The following SCG5 variants were observed in gnomAD, a reference collection of about 807,000 sequenced individuals.
SCG5 encodes neuroendocrine protein 7B2.
A neutral mutation model predicts 25.7 loss-of-function variants in SCG5; 18 were observed. The observed-to-expected ratio is 0.70, with a 90% confidence interval of 0.48 to 1.04. The LOEUF (loss-of-function observed/expected upper bound fraction) is 1.04, where lower values mean the gene tolerates loss of function less well. SCG5 is among the 50% of genes least tolerant of loss of function. The pLI, the probability that SCG5 is intolerant of heterozygous loss-of-function variation, is 0.00. For missense variants in SCG5, 206 were observed against 259.8 expected (o/e 0.79, Z 1.42); for synonymous variants, 101 against 91.7 (o/e 1.10, Z -0.58).
rs143117247 is a variant in SCG5, at chr15:32,695,517, A to G, written c.544-997A>G. 8.7e-3 allele frequency among the ~76,000 whole-genome samples: 1,332 copies of G among 152,252 alleles called. 9 individuals are homozygous for G. The highest frequency in any genetic ancestry group is 0.014 in the Middle Eastern group (4 of 294). On this transcript the variant is annotated intron_variant, in intron 5 of 5. Coordinates refer to ENST00000300175, the MANE Select transcript of SCG5 (RefSeq NM_001144757.3). ...ATTTACTCATTAAGAATACCAACAC[A>G]TGAAAGTGATTTCAGAGTATGGAGT...
At chr15:32,687,407 C>T (rs148345094) in intron 4 of SCG5, among the ~76,000 whole-genome samples, 1 of 152,252 alleles carries the variant, frequency 6.6e-6, no homozygotes, top group South Asian at 2.1e-4. Flanking sequence ...GTTTAGATAC[C>T]TTTTATCATC....
intron 4 of SCG5, among the ~76,000 whole-genome samples, chr15:32,688,963 A>AAAAAAAG (rs537262778): frequency 0.62 from 86,356 of 140,160 alleles, 28,490 homozygotes; most frequent in Non-Finnish European, 0.71. Context: ...CGTCTCAAAA[A>AAAAAAAG]AAAAAAAAAA....
chr15:32,654,714 G>C (rs2054086527), intron 2 of SCG5, among the ~76,000 whole-genome samples: 1 of 152,180 alleles, frequency 6.6e-6, no homozygotes, highest in African/African-American at 2.4e-5. Flanking sequence ...ACTAGACTGA[G>C]ATTTGCAAAT....
At chr15:32,690,273 C>T (rs933619105) in intron 4 of SCG5, among the ~76,000 whole-genome samples, 1 of 152,236 alleles carries the variant, frequency 6.6e-6, no homozygotes, top group Non-Finnish European at 1.5e-5. Context: ...GGTTCTTCCA[C>T]ACTCCATCCA....
At position 32,667,922 on chromosome 15, in the gene SCG5, G is replaced by A. The variant is rs141856309; in HGVS notation, c.227-11844G>A. Reference sequence around the variant, plus strand: ...ACTCCTGACCTCAAGTGATCCACCCGCTTCGGCCTCCCAAACTTCTGGGAT... The same window carrying A: ...ACTCCTGACCTCAAGTGATCCACCCACTTCGGCCTCCCAAACTTCTGGGAT... On this transcript the variant is annotated intron_variant, in intron 2 of 5. Transcript: ENST00000300175. Among the ~76,000 whole-genome samples, 1,172 of 152,158 alleles carry A rather than the reference G, an allele frequency of 7.7e-3. 14 individuals carry two copies. The highest frequency in any genetic ancestry group is 0.027 in the African/African-American group (1,121 of 41,486).
At chr15:32,694,728 G>A (rs1217348622) in intron 5 of SCG5, among the ~76,000 whole-genome samples, 1 of 152,248 alleles carries the variant, frequency 6.6e-6, no homozygotes, top group Non-Finnish European at 1.5e-5. Context: ...TGAGGACATT[G>A]CTCACTTTGT....
At chr15:32,696,491 G>T (rs765917076) in intron 5 of SCG5, 23 bp from the exon 6 acceptor site, 1 of 1,532,184 alleles carries the variant, frequency 6.5e-7, no homozygotes, top group South Asian at 1.1e-5. Flanking sequence ...AAACCACATG[G>T]TTTTTGTTTG....
chr15:32,642,983 G>T (rs929239962), intron 1 of SCG5, among the ~76,000 whole-genome samples: 2 of 152,176 alleles, frequency 1.3e-5, no homozygotes, highest in African/African-American at 4.8e-5. Context: ...GCATGTGGCT[G>T]AGCAAACAAA....
chr15:32,696,551 ATGT>A lies in SCG5; in HGVS notation c.587_589del (p.Val196del). On this transcript the variant is annotated inframe_deletion, in exon 6 of 6. Transcript: ENST00000300175. ...TATCTACAAGGACAGAGACTGGATAATGTTGTTGCAAAGAAGTCTGTCCCCCAT... is the reference window on the plus strand; with the variant it reads ...TATCTACAAGGACAGAGACTGGATAATGTTGCAAAGAAGTCTGTCCCCCAT... The A allele has an allele frequency of 6.2e-7, 1 of 1,613,234 alleles. No homozygotes were observed. The highest frequency in any genetic ancestry group is 8.5e-7 in the Non-Finnish European group (1 of 1,179,546).
chr15:32,668,171 C>T (rs1057504734), intron 2 of SCG5, among the ~76,000 whole-genome samples: 1 of 152,186 alleles, frequency 6.6e-6, no homozygotes, highest in African/African-American at 2.4e-5. Flanking sequence ...CACCCCACCA[C>T]CAGCTGCCAA....
chr15:32,690,334 C>G (rs934927355), intron 4 of SCG5, among the ~76,000 whole-genome samples: 1 of 152,196 alleles, frequency 6.6e-6, no homozygotes, highest in Non-Finnish European at 1.5e-5. Flanking sequence ...TGTCCTCACC[C>G]CTTCCCGGCC....
chr15:32,668,477 C>A (rs748054394), intron 2 of SCG5, among the ~76,000 whole-genome samples: 28 of 152,284 alleles, frequency 1.8e-4, no homozygotes, highest in Non-Finnish European at 3.5e-4. Flanking sequence ...AATTACATTC[C>A]CAAGCCGTGT....
At chr15:32,655,569 A>G (rs1213615526) in intron 2 of SCG5, among the ~76,000 whole-genome samples, 1 of 152,102 alleles carries the variant, frequency 6.6e-6, no homozygotes, top group Non-Finnish European at 1.5e-5. Context: ...CCCTCAGTGT[A>G]TGCTATGGTC....
At chr15:32,642,354 G>A (rs549633187) in intron 1 of SCG5, among the ~76,000 whole-genome samples, 12 of 151,958 alleles carry the variant, frequency 7.9e-5, no homozygotes, top group South Asian at 4.2e-4. Context: ...GATCACCTGA[G>A]GTCAGGAGTT....
chr15:32,693,847 C>T (rs562357119), intron 5 of SCG5, among the ~76,000 whole-genome samples: 7 of 152,176 alleles, frequency 4.6e-5, no homozygotes, highest in Admixed American at 1.3e-4. Context: ...TGGTGGCTCA[C>T]GCCTGTAATC....
At position 32,689,469 on chromosome 15, in the gene SCG5, G is replaced by A. The variant is rs368566439; in HGVS notation, c.490-2241G>A. On this transcript the variant is annotated intron_variant, in intron 4 of 5. Transcript: ENST00000300175. The stretch of plus-strand genomic sequence containing the variant: ...CTTTTCTCCAGGAAGCTCCCTGGCT[G>A]TATTTAGGAGTGTAATTTGAAACCA... 2.6e-5 allele frequency among the ~76,000 whole-genome samples: 4 copies of A among 152,134 alleles called. 1 individual carries two copies. The South Asian group carries it at 8.3e-4, about 31-fold the overall frequency.
chr15:32,664,219 A>G (rs2054284362), intron 2 of SCG5, among the ~76,000 whole-genome samples: 1 of 152,092 alleles, frequency 6.6e-6, no homozygotes, highest in African/African-American at 2.4e-5. Flanking sequence ...CTGAGAGGTA[A>G]AGTTCTTCAC....
intron 2 of SCG5, among the ~76,000 whole-genome samples, chr15:32,646,356 G>A (rs900883698): frequency 6.6e-6 from 1 of 152,148 alleles, no homozygotes; most frequent in Non-Finnish European, 1.5e-5. Context: ...TAAGGCTGTT[G>A]GCAGAATTCC....
intron 2 of SCG5, among the ~76,000 whole-genome samples, chr15:32,664,805 T>C (rs2054292644): frequency 6.6e-6 from 1 of 152,204 alleles, no homozygotes; most frequent in Admixed American, 6.5e-5. Flanking sequence ...CACATGTGTA[T>C]TGAACATCTC....
Sources: allele counts gnomAD v4.1 joint callset (sites outside exome capture counted in the v4.1 genomes callset), GRCh38; gene constraint gnomAD v4.1.1; transcripts MANE v1.5; gene names NCBI Gene and HGNC (gene_info 2026-07-23, HGNC 2026-07-21).